Variants in DIAPH3 observed in about 807,000 individuals in gnomAD.
DIAPH3 encodes the protein protein diaphanous homolog 3.
A neutral mutation model predicts 144.3 loss-of-function variants in DIAPH3; 117 were observed. The observed-to-expected ratio is 0.81, with a 90% CI of 0.70 to 0.95. The LOEUF (loss-of-function observed/expected upper bound fraction) is 0.95. DIAPH3 is among the 40% of genes least tolerant of loss of function. DIAPH3 has a pLI of 0.00. For missense variants in DIAPH3, 1,421 were observed against 1,412.7 expected, an observed-to-expected ratio of 1.01 and a Z score of -0.09; for synonymous variants, 519 against 488.9, an observed-to-expected ratio of 1.06 and a Z score of -0.81.
In DIAPH3 at chr13:59,775,253, T is replaced by G. The variant is rs1004711333; in HGVS notation, c.3164-430A>C. ...AGTAGTTTTTGTTTTTTGTTTTTTG[T>G]TTTTTTTGAGACAGAATCTCGCTCT... On this transcript the variant is annotated intron_variant, in intron 25 of 27. Coordinates refer to ENST00000400324, the MANE Select transcript of DIAPH3 (RefSeq NM_001042517.2). Among the ~76,000 whole-genome samples, 6 of 151,846 alleles carry G rather than the reference T, an allele frequency of 4.0e-5. No homozygotes were observed. The South Asian group carries it at 1.0e-3, about 26-fold the overall frequency.
chr13:59,980,009 T>TGGCATTTTATG (rs1204054615), intron 14 of DIAPH3, among the ~76,000 whole-genome samples: 1 of 151,682 alleles, frequency 6.6e-6, no homozygotes, highest in Admixed American at 6.6e-5. Context: ...TGCCTACTGT[T>TGGCATTTTATG]CCATTATTGG....
intron 17 of DIAPH3, among the ~76,000 whole-genome samples, chr13:59,939,319 T>C (rs2048409452): frequency 6.6e-6 from 1 of 152,174 alleles, no homozygotes; most frequent in South Asian, 2.1e-4. Context: ...CCTCTCCAAA[T>C]TGTACAAAGA....
At chr13:59,709,270 T>G (rs1351737991) in intron 27 of DIAPH3, among the ~76,000 whole-genome samples, 1 of 152,156 alleles carries the variant, frequency 6.6e-6, no homozygotes, top group East Asian at 1.9e-4. Flanking sequence ...AGAAAAGGGC[T>G]AAAAAGTAAA....
At chr13:59,822,392 A>G (rs1312190175) in intron 24 of DIAPH3, among the ~76,000 whole-genome samples, 3 of 152,278 alleles carry the variant, frequency 2.0e-5, no homozygotes, top group South Asian at 4.1e-4. Flanking sequence ...CAAGGGAAAC[A>G]TCCAACTAAA....
intron 4 of DIAPH3, among the ~76,000 whole-genome samples, chr13:60,053,671 G>A (rs2056446124): frequency 6.6e-6 from 1 of 151,878 alleles, no homozygotes; most frequent in Admixed American, 6.6e-5. Context: ...CTCAGTTCAG[G>A]TGTAACACTT....
intron 17 of DIAPH3, among the ~76,000 whole-genome samples, chr13:59,966,950 C>T (rs536276221): frequency 3.3e-5 from 5 of 152,322 alleles, no homozygotes; most frequent in African/African-American, 1.2e-4. Flanking sequence ...AATGCCTCTA[C>T]CTCCTGCACT....
intron 13 of DIAPH3, among the ~76,000 whole-genome samples, chr13:59,982,556 C>T (rs1392131965): frequency 2.6e-5 from 4 of 151,564 alleles, no homozygotes; most frequent in Middle Eastern, 3.4e-3. Flanking sequence ...GAAACATAAC[C>T]CTGCACAGAT....
chr13:59,910,411 T>C (rs2046936782), intron 20 of DIAPH3, among the ~76,000 whole-genome samples: 1 of 152,126 alleles, frequency 6.6e-6, no homozygotes, highest in South Asian at 2.1e-4. Context: ...TTTTTTTGTT[T>C]TCTTAAAGAC....
At chr13:59,955,329 A>G (rs2049336427) in intron 17 of DIAPH3, among the ~76,000 whole-genome samples, 1 of 151,950 alleles carries the variant, frequency 6.6e-6, no homozygotes, top group African/African-American at 2.4e-5. Flanking sequence ...ATGATAGTGA[A>G]TAAGTTTCAT....
intron 25 of DIAPH3, among the ~76,000 whole-genome samples, chr13:59,790,694 C>T (rs563640612): frequency 2.0e-5 from 3 of 152,158 alleles, no homozygotes; most frequent in African/African-American, 7.2e-5. Context: ...TAAGGCAAAT[C>T]TGAATGAGTG....
At chr13:59,893,178 T>C (rs934898640) in intron 20 of DIAPH3, among the ~76,000 whole-genome samples, 3 of 152,102 alleles carry the variant, frequency 2.0e-5, no homozygotes, top group Non-Finnish European at 4.4e-5. Context: ...TCTCTAACAT[T>C]ACATCTTTTC....
intron 27 of DIAPH3, among the ~76,000 whole-genome samples, chr13:59,772,478 A>ATT (rs1337041627): frequency 5.3e-5 from 8 of 152,248 alleles, no homozygotes; most frequent in Middle Eastern, 3.4e-3. Flanking sequence ...CTTAATTATC[A>ATT]TAACAGCCTT....
chr13:60,078,779 A>G (rs564112591), intron 4 of DIAPH3, among the ~76,000 whole-genome samples: 1 of 152,118 alleles, frequency 6.6e-6, no homozygotes, highest in African/African-American at 2.4e-5. Context: ...GGTATAGACA[A>G]ATACATATAT....
chr13:60,040,733 CCTTT>C (rs1451239333), intron 5 of DIAPH3, among the ~76,000 whole-genome samples: 4 of 152,100 alleles, frequency 2.6e-5, no homozygotes, highest in Admixed American at 6.5e-5. Context: ...CCCCCAATAC[CCTTT>C]CTATGTTTAA....
At chr13:59,773,137 C>T (rs1216564646) in intron 27 of DIAPH3, among the ~76,000 whole-genome samples, 7 of 152,006 alleles carry the variant, frequency 4.6e-5, no homozygotes, top group Non-Finnish European at 7.4e-5. Context: ...TATTGTTATA[C>T]AAGAGAAAGG....
intron 22 of DIAPH3, among the ~76,000 whole-genome samples, chr13:59,844,013 C>G (rs952073773): frequency 1.3e-5 from 2 of 151,650 alleles, no homozygotes; most frequent in African/African-American, 4.9e-5. Context: ...GGCTTAATAC[C>G]TAGGTAATGG....
intron 27 of DIAPH3, among the ~76,000 whole-genome samples, chr13:59,689,294 G>A (rs538523989): frequency 3.8e-4 from 58 of 151,970 alleles, no homozygotes; most frequent in Admixed American, 3.1e-3. Context: ...GGAGTACGGC[G>A]GCCTCCTGCT....
intron 22 of DIAPH3, among the ~76,000 whole-genome samples, chr13:59,839,689 C>T (rs926517597): frequency 6.6e-6 from 1 of 152,060 alleles, no homozygotes; most frequent in Non-Finnish European, 1.5e-5. Flanking sequence ...CACAAATAAA[C>T]CACACTTCAG....
intron 27 of DIAPH3, among the ~76,000 whole-genome samples, chr13:59,709,010 G>A (rs1038606178): frequency 5.3e-5 from 8 of 152,024 alleles, no homozygotes; most frequent in Non-Finnish European, 8.8e-5. Context: ...CTCTCAACAC[G>A]TAGAGATAAC....
Sources: allele counts gnomAD v4.1 joint callset (sites outside exome capture counted in the v4.1 genomes callset), GRCh38; gene constraint gnomAD v4.1.1; transcripts MANE v1.5; gene names NCBI Gene and HGNC (gene_info 2026-07-23, HGNC 2026-07-21).